Variants in UBA5 observed in about 807,000 individuals in gnomAD.
UBA5 encodes the protein ubiquitin like modifier activating enzyme 5.
Under a neutral mutation model 52.9 loss-of-function variants are expected in UBA5, and 28 were observed. That is an observed-to-expected ratio of 0.53 (90% CI 0.39 to 0.73). The LOEUF is 0.73. UBA5 is among the 30% of genes least tolerant of loss of function. The pLI is 0.00. For synonymous variants in UBA5, 135 were observed against 162.1 expected, an observed-to-expected ratio of 0.83 and a Z score of 1.27; for missense variants, 388 against 492.7, an observed-to-expected ratio of 0.79 and a Z score of 2.01.
At chr3:132,662,404 A>G (rs915262388) in intron 1 of UBA5, among the ~76,000 whole-genome samples, 1 of 152,208 alleles carries the variant, frequency 6.6e-6, no homozygotes, top group African/African-American at 2.4e-5. Context: ...TAAAGTAGAC[A>G]TGGTCTTTTC....
upstream of UBA5, chr3:132,659,339 A>G: frequency 2.1e-6 from 1 of 474,358 alleles, no homozygotes; most frequent in Non-Finnish European, 3.7e-6. Context: ...TCCTCAAGGG[A>G]CATAAATCCA....
chr3:132,654,884 G>A (rs773387945), intron 1 of UBA5, among the ~76,000 whole-genome samples: 1 of 152,228 alleles, frequency 6.6e-6, no homozygotes, highest in Non-Finnish European at 1.5e-5. Flanking sequence ...GTTGGAGTTA[G>A]CATAAATAGG....
intron 8 of UBA5, among the ~76,000 whole-genome samples, chr3:132,674,684 T>C (rs1311506821): frequency 6.6e-6 from 1 of 152,012 alleles, no homozygotes; most frequent in African/African-American, 2.4e-5. Flanking sequence ...GTAAAAAGTA[T>C]CAGATTTGAC....
chr3:132,677,512 A>G lies in UBA5; in HGVS notation c.*986A>G, dbSNP rs557177049. On this transcript the variant is annotated 3_prime_UTR_variant, in exon 12 of 12. Transcript: ENST00000356232. ...CCTGATCATGACCACTAAACTGTAA[A>G]TTGATATAAATTAGTTTTCTCTCGA... The G allele has an allele frequency of 4.6e-5, 7 of 152,314 alleles. 1 individual carries two copies. In the South Asian group the frequency reaches 1.0e-3, roughly 23 times the overall value. The allele number at this position is 152,314 out of a possible 1,614,324, so 9.4% of individuals were successfully genotyped here. A position where few individuals can be genotyped will look rare whatever the true frequency, so the allele number is the denominator to read the frequency against.
chr3:132,668,820 G>A lies in UBA5; in HGVS notation c.300G>A (p.Leu100=), dbSNP rs775239838. The A allele has an allele frequency of 8.8e-6, 14 of 1,588,074 alleles. No homozygotes were observed. Among genetic ancestry groups the A allele is most frequent in the Non-Finnish European group, 3.4e-6 (4 of 1,168,388 alleles). ...GAATACCACTATTTTCATTTTAGTT[G>A]CTACTCTTTGATTATGACAAGGTGG... is the stretch of plus-strand genomic sequence containing the variant. The part of the protein sequence containing the change: ...EMLTRCGIGK[L]LLFDYDKVEL... Residue 100 remains leucine (L), a splice_region_variant and synonymous_variant, in exon 4 of 12, where the codon TTG becomes TTA. Coordinates refer to ENST00000356232, the MANE Select transcript of UBA5 (RefSeq NM_024818.6).
intron 9 of UBA5, 60 bp from the exon 10 acceptor site, chr3:132,675,545 T>C (rs759446670): frequency 5.7e-5 from 88 of 1,541,234 alleles, no homozygotes; most frequent in Middle Eastern, 4.0e-4. Context: ...GAATTCTTGA[T>C]TAATGCTTTA....
chr3:132,668,564 A>G, intron 3 of UBA5: 1 of 228,362 alleles, frequency 4.4e-6, no homozygotes, highest in Non-Finnish European at 8.5e-6. Context: ...TTTGAATCCC[A>G]TTTTCACTTC....
At chr3:132,665,301 A>G (rs1353595260) in intron 1 of UBA5, among the ~76,000 whole-genome samples, 1 of 152,104 alleles carries the variant, frequency 6.6e-6, no homozygotes, top group East Asian at 1.9e-4. Context: ...GTGAAGATGA[A>G]TGGGAATTAA....
Position 132,665,969 on chromosome 3 carries a change from T to C in UBA5, c.208-15T>C. 1 of 1,612,926 alleles carries C rather than the reference T, an allele frequency of 6.2e-7. No individual in the cohort carries two copies. The highest frequency in any genetic ancestry group is 8.5e-7 in the Non-Finnish European group (1 of 1,179,052). On this transcript the variant is annotated splice_polypyrimidine_tract_variant and intron_variant, in intron 2 of 11. Transcript: ENST00000356232. Reference sequence around the variant, plus strand: ...AAGAGCTATTAACCAACATATACTATTTTATATTTCACAGAAAATCCGTAC... The same window carrying C: ...AAGAGCTATTAACCAACATATACTACTTTATATTTCACAGAAAATCCGTAC...
intron 6 of UBA5, among the ~76,000 whole-genome samples, chr3:132,671,526 T>C (rs1938600979): frequency 6.6e-6 from 1 of 152,170 alleles, no homozygotes; most frequent in African/African-American, 2.4e-5. Context: ...TCACATTAAT[T>C]TGACAAGAAA....
At position 132,670,871 on chromosome 3, in the gene UBA5, A is replaced by G. The variant is rs1008144716; in HGVS notation, c.495-94A>G. 6 of 739,170 alleles carry G rather than the reference A, an allele frequency of 8.1e-6. No homozygotes were observed. The African/African-American group carries it at 8.9e-5, about 11-fold the overall frequency. 45.8% of individuals were successfully genotyped at this position (739,170 alleles called of 1,614,324 possible). On this transcript the variant is annotated intron_variant, in intron 5 of 11. Coordinates refer to ENST00000356232, the MANE Select transcript of UBA5 (RefSeq NM_024818.6). ...TGTAATAATTATAGTCAAACATTTA[A>G]TGAAAGAATAAGTGTTGGACTGAAC... is the stretch of plus-strand genomic sequence containing the variant.
At position 132,660,537 on chromosome 3, in the gene UBA5, C is replaced by T. The variant is rs1038043504; in HGVS notation, c.-1C>T. The T allele has an allele frequency of 1.3e-6, 2 of 1,548,710 alleles. No individual in the cohort carries two copies. The highest frequency in any genetic ancestry group is 1.7e-6 in the Non-Finnish European group (2 of 1,146,896). On this transcript the variant is annotated 5_prime_UTR_variant, in exon 1 of 12. Coordinates refer to ENST00000356232, the MANE Select transcript of UBA5 (RefSeq NM_024818.6). The surrounding 1 kb of genome is among the most constrained non-coding windows in gnomAD (Gnocchi z 4.1). ...GAGCGTTGGCGGCCGGAGTCCCAGC[C>T]ATGGCGGAGTCTGTGGAGCGCCTGC...
rs1426575529 is a variant in UBA5, at chr3:132,660,515, C to T, written c.-23C>T. 1 of 1,546,772 alleles carries T rather than the reference C, an allele frequency of 6.5e-7. No individual in the cohort carries two copies. Among genetic ancestry groups the T allele is most frequent in the South Asian group, 1.2e-5 (1 of 83,930 alleles). On this transcript the variant is annotated 5_prime_UTR_variant, in exon 1 of 12. Transcript: ENST00000356232. The surrounding 1 kb of genome is among the most constrained non-coding windows in gnomAD (Gnocchi z 4.1). ...CGGCGGCGAAGGCCCGGGCTGGGAG[C>T]GTTGGCGGCCGGAGTCCCAGCCATG... is the stretch of plus-strand genomic sequence containing the variant.
At position 132,664,767 on chromosome 3, in the gene UBA5, A is replaced by G. The variant is rs559572465; in HGVS notation, c.162-1056A>G. 1.2e-4 allele frequency among the ~76,000 whole-genome samples: 18 copies of G among 152,306 alleles called. No homozygotes were observed. In the South Asian group the frequency reaches 3.3e-3, roughly 28 times the overall value. On this transcript the variant is annotated intron_variant, in intron 1 of 11. Coordinates refer to ENST00000356232, the MANE Select transcript of UBA5 (RefSeq NM_024818.6). ...AGACTTTGTAGTATAATGATGAAGG[A>G]AGAGCCTAGGAAGGGAGCTGTATGT...
chr3:132,666,138 A>G, intron 3 of UBA5, 65 bp downstream of exon 3: 2 of 1,436,954 alleles, frequency 1.4e-6, no homozygotes, highest in Non-Finnish European at 2.0e-6. Flanking sequence ...ATCAGGTACA[A>G]GTTAGGATTT....
Position 132,675,630 on chromosome 3 carries a change from A to G in UBA5, c.974A>G (p.Gln325Arg), listed in dbSNP as rs1460094342. Residue 325 changes from glutamine (Q) to arginine (R), a missense_variant, in exon 10 of 12, where the codon CAA (glutamine) becomes CGA (arginine). Gln to Arg is a conservative substitution (Grantham distance 43, BLOSUM62 1). This residue lies in a region of UBA5 where 277 missense variants were observed against 326.4 expected (regional missense o/e 0.85). Coordinates refer to ENST00000356232, the MANE Select transcript of UBA5 (RefSeq NM_024818.6). ...YKKKVAALPK[Q>R]EVIQEEEEII... ...AAAAAGGTAGCAGCACTGCCTAAAC[A>G]AGAGGTTATACAAGAAGAGGAAGAG... 8 of 1,612,826 alleles carry G rather than the reference A, an allele frequency of 5.0e-6. No homozygotes were observed. In the South Asian group the frequency reaches 8.8e-5, roughly 18 times the overall value.
At position 132,676,050 on chromosome 3, in the gene UBA5, TGAGA is replaced by T; in HGVS notation, c.1131+133_1131+136del. ...ATTTTATGCTATAGGCATTAAGATG[TGAGA>T]GAGAGGTATGCAGTGTTAATATGCA... On this transcript the variant is annotated intron_variant, in intron 11 of 11. Transcript: ENST00000356232. The surrounding 1 kb of genome is among the most constrained non-coding windows in gnomAD (Gnocchi z 4.1). 4.5e-6 allele frequency: 3 copies of T among 659,674 alleles called. No homozygotes were observed. The highest frequency in any genetic ancestry group is 4.4e-5 in the South Asian group (2 of 44,950). 40.9% of individuals were successfully genotyped at this position (659,674 alleles called of 1,614,324 possible). A position where few individuals can be genotyped will look rare whatever the true frequency, so the allele number is the denominator to read the frequency against.
upstream of UBA5, chr3:132,659,397 C>A (rs1938001723): frequency 3.3e-6 from 2 of 605,492 alleles, no homozygotes; most frequent in Non-Finnish European, 5.5e-6. Context: ...AACGTTATTG[C>A]GCTTCCATTA....
chr3:132,671,695 CCATT>C lies in UBA5; in HGVS notation c.580-79_580-76del. ...ATTAATTTTAAAAGACCTTGGTAAT[CCATT>C]CAGTTAAAAGAATTTATTGTAAATT... On this transcript the variant is annotated intron_variant, in intron 6 of 11. Coordinates refer to ENST00000356232, the MANE Select transcript of UBA5 (RefSeq NM_024818.6). The C allele has an allele frequency of 3.7e-6, 4 of 1,081,340 alleles. No individual in the cohort carries two copies. In the Middle Eastern group the frequency reaches 8.3e-4, roughly 224 times the overall value. 67.0% of individuals were successfully genotyped at this position (1,081,340 alleles called of 1,614,324 possible). A position where few individuals can be genotyped will look rare whatever the true frequency, so the allele number is the denominator to read the frequency against.
Sources: allele counts gnomAD v4.1 joint callset (sites outside exome capture counted in the v4.1 genomes callset), GRCh38; gene constraint gnomAD v4.1.1; regional missense constraint gnomAD v4.1.1; non-coding constraint Gnocchi (gnomAD v3.1); transcripts MANE v1.5; gene names NCBI Gene and HGNC (gene_info 2026-07-23, HGNC 2026-07-21).